UNC5C: variants seen among roughly 807,000 people sequenced by gnomAD.
UNC5C encodes the protein netrin receptor UNC5C.
UNC5C carries 47 observed loss-of-function variants against 99.8 expected under a neutral mutation model. The observed-to-expected ratio is 0.47, with a 90% CI of 0.37 to 0.60. UNC5C has a LOEUF of 0.60. UNC5C is among the 20% of genes least tolerant of loss of function. The pLI, the probability that UNC5C is intolerant of heterozygous loss-of-function variation, is 0.00. For missense variants in UNC5C, 1,062 were observed against 1,165.9 expected, an observed-to-expected ratio of 0.91 and a Z score of 1.30; for synonymous variants, 487 against 452.2, an observed-to-expected ratio of 1.08 and a Z score of -0.98.
At chr4:95,479,788 C>T (rs1372074885) in intron 1 of UNC5C, among the ~76,000 whole-genome samples, 1 of 151,756 alleles carries the variant, frequency 6.6e-6, no homozygotes, top group Non-Finnish European at 1.5e-5. Context: ...CATGGAGTGC[C>T]CAGATATTTC....
intron 1 of UNC5C, among the ~76,000 whole-genome samples, chr4:95,437,319 C>T (rs1048638360): frequency 1.3e-5 from 2 of 151,746 alleles, no homozygotes; most frequent in Non-Finnish European, 2.9e-5. Context: ...TATCATAGTT[C>T]TTTTTCTACA....
At chr4:95,468,509 CAT>C (rs1397833128) in intron 1 of UNC5C, among the ~76,000 whole-genome samples, 1 of 152,140 alleles carries the variant, frequency 6.6e-6, no homozygotes, top group African/African-American at 2.4e-5. Flanking sequence ...TTAGCTCTGT[CAT>C]AAATTCCGTG....
At chr4:95,319,345 G>T (rs1408594313) in intron 2 of UNC5C, among the ~76,000 whole-genome samples, 1 of 152,064 alleles carries the variant, frequency 6.6e-6, no homozygotes, top group Non-Finnish European at 1.5e-5. Context: ...AGTTCCTTGC[G>T]GCTCTTGCCT....
chr4:95,195,196 G>A (rs1229609447), intron 12 of UNC5C, among the ~76,000 whole-genome samples: 2 of 152,176 alleles, frequency 1.3e-5, no homozygotes, highest in African/African-American at 4.8e-5. Context: ...ACTTCAAAGA[G>A]TCCTTGATGC....
chr4:95,392,316 G>C (rs937876614), intron 1 of UNC5C, among the ~76,000 whole-genome samples: 5 of 135,600 alleles, frequency 3.7e-5, no homozygotes, highest in African/African-American at 5.3e-5. Flanking sequence ...AACATTTTTA[G>C]GCTAAGATAA....
chr4:95,543,185 A>G lies in UNC5C; in HGVS notation c.124+5549T>C, dbSNP rs541434360. Among the ~76,000 whole-genome samples the G allele has an allele frequency of 5.3e-5, 8 of 152,298 alleles. No individual in the cohort carries two copies. In the East Asian group the frequency reaches 1.5e-3, roughly 29 times the overall value. On this transcript the variant is annotated intron_variant, in intron 1 of 15. Coordinates refer to ENST00000453304, the MANE Select transcript of UNC5C (RefSeq NM_003728.4). ...AATGAAACCAAAGAAGCATCCATAC[A>G]TAGGTTTAAGAAATCAGGTTAAAAA...
At chr4:95,456,051 C>G (rs1747416664) in intron 1 of UNC5C, among the ~76,000 whole-genome samples, 1 of 151,948 alleles carries the variant, frequency 6.6e-6, no homozygotes, top group Admixed American at 6.6e-5. Flanking sequence ...TGAGTGACAT[C>G]TAGGGACTTT....
chr4:95,270,494 G>C (rs1275441345), intron 4 of UNC5C, among the ~76,000 whole-genome samples: 1 of 152,208 alleles, frequency 6.6e-6, no homozygotes, highest in Non-Finnish European at 1.5e-5. Flanking sequence ...TGTTACTTCT[G>C]TAAAGGAAAG....
chr4:95,212,487 T>C (rs189666905), intron 10 of UNC5C, among the ~76,000 whole-genome samples: 5 of 152,348 alleles, frequency 3.3e-5, no homozygotes, highest in Non-Finnish European at 7.3e-5. Context: ...ATATGTTAAG[T>C]ACTGTGCTAG....
At chr4:95,547,059 AC>A (rs1296912182) in intron 1 of UNC5C, among the ~76,000 whole-genome samples, 1 of 150,014 alleles carries the variant, frequency 6.7e-6, no homozygotes, top group African/African-American at 2.5e-5. Context: ...GCTTCCAAAC[AC>A]CCCCCTCTAA....
chr4:95,471,442 CA>C (rs1747965458), intron 1 of UNC5C, among the ~76,000 whole-genome samples: 1 of 152,048 alleles, frequency 6.6e-6, no homozygotes, highest in Admixed American at 6.6e-5. Context: ...AATATCACAG[CA>C]GAGAAAATTA....
rs1484518501 is a variant in UNC5C, at chr4:95,308,309, T to C, written c.347-6560A>G. ...CAGTAATGATTCTATACATGAATAATAAACTTTCCCAAAAAGAAACAAAGA... is the reference window on the plus strand; with the variant it reads ...CAGTAATGATTCTATACATGAATAACAAACTTTCCCAAAAAGAAACAAAGA... On this transcript the variant is annotated intron_variant, in intron 2 of 15. Transcript: ENST00000453304. Among the ~76,000 whole-genome samples the C allele has an allele frequency of 3.3e-5, 5 of 152,002 alleles. No homozygotes were observed. In the East Asian group the frequency reaches 9.6e-4, roughly 29 times the overall value.
At chr4:95,425,476 C>T (rs1258146138) in intron 1 of UNC5C, among the ~76,000 whole-genome samples, 2 of 152,212 alleles carry the variant, frequency 1.3e-5, no homozygotes, top group African/African-American at 2.4e-5. Context: ...CGCTCGCCAC[C>T]ACGCCCAGCT....
chr4:95,250,314 G>C (rs990920062), intron 5 of UNC5C, among the ~76,000 whole-genome samples, 173 bp downstream of exon 5: 3 of 152,084 alleles, frequency 2.0e-5, no homozygotes, highest in Admixed American at 1.3e-4. Flanking sequence ...GAGCCTAGGA[G>C]GTTGAGGCTA....
At chr4:95,221,411 C>G (rs1440831089) in intron 7 of UNC5C, among the ~76,000 whole-genome samples, 1 of 152,160 alleles carries the variant, frequency 6.6e-6, no homozygotes, top group Admixed American at 6.5e-5. Context: ...CGGCCCTCTC[C>G]TAACGCTCAC....
At chr4:95,485,762 T>A (rs1487161463) in intron 1 of UNC5C, among the ~76,000 whole-genome samples, 3 of 151,786 alleles carry the variant, frequency 2.0e-5, no homozygotes, top group African/African-American at 7.2e-5. Flanking sequence ...TATTTGTCAT[T>A]AGATCCAGCT....
chr4:95,528,428 T>A lies in UNC5C; in HGVS notation c.124+20306A>T, dbSNP rs192213289. Among the ~76,000 whole-genome samples, 1,243 of 152,290 alleles carry A rather than the reference T, an allele frequency of 8.2e-3. 9 individuals are homozygous for A. Among genetic ancestry groups the A allele is most frequent in the Non-Finnish European group, 0.015 (1,020 of 68,016 alleles). ...ATATCTAACGTTGCCACCATTTACC[T>A]TCAAGCACTGACATCATTTTGTAAA... On this transcript the variant is annotated intron_variant, in intron 1 of 15. Coordinates refer to ENST00000453304, the MANE Select transcript of UNC5C (RefSeq NM_003728.4).
chr4:95,442,351 T>C (rs3846454), intron 1 of UNC5C, among the ~76,000 whole-genome samples: 3,259 of 150,704 alleles, frequency 0.022, 134 homozygotes, highest in African/African-American at 0.075. Flanking sequence ...TACAGGCATG[T>C]GCAACCATGC....
chr4:95,210,547 A>C lies in UNC5C; in HGVS notation c.1734-3751T>G, dbSNP rs377373612. Among the ~76,000 whole-genome samples, 8 of 152,320 alleles carry C rather than the reference A, an allele frequency of 5.3e-5. No individual in the cohort carries two copies. In the East Asian group the frequency reaches 1.2e-3, roughly 22 times the overall value. On this transcript the variant is annotated intron_variant, in intron 10 of 15. Transcript: ENST00000453304. ...TGTTTTTGCAGAGAAGGACTTCTCT[A>C]TGTCTCATGTGTTTTCTAAGCAATT...
Sources: gnomAD v4.1 joint callset for allele counts (sites outside exome capture counted in the v4.1 genomes callset) on GRCh38, gnomAD v4.1.1 for gene constraint, MANE v1.5 for transcripts, NCBI Gene and HGNC (gene_info 2026-07-23, HGNC 2026-07-21) for gene names.